Variants in RASGEF1C observed in about 807,000 individuals in gnomAD.
RASGEF1C encodes ras-GEF domain-containing family member 1C.
Under a neutral mutation model 58.1 loss-of-function variants are expected in RASGEF1C, and 27 were observed. That is an observed-to-expected ratio of 0.46 (90% CI 0.34 to 0.64). The LOEUF (loss-of-function observed/expected upper bound fraction) is 0.64. RASGEF1C is among the 30% of genes least tolerant of loss of function. The pLI, the probability that RASGEF1C is intolerant of heterozygous loss-of-function variation, is 0.01. For synonymous variants in RASGEF1C, 243 were observed against 246.3 expected, an observed-to-expected ratio of 0.99 and a Z score of 0.13; for missense variants, 502 against 605.1, an observed-to-expected ratio of 0.83 and a Z score of 1.79.
chr5:180,136,187 G>A, intron 4 of RASGEF1C, among the ~76,000 whole-genome samples, 191 bp downstream of exon 4: 1 of 152,240 alleles, frequency 6.6e-6, no homozygotes, highest in East Asian at 1.9e-4. Flanking sequence ...GTCAGGGAGA[G>A]GTCACCAGAC....
chr5:180,109,876 C>T (rs546387137), intron 12 of RASGEF1C, among the ~76,000 whole-genome samples: 13 of 152,336 alleles, frequency 8.5e-5, no homozygotes, highest in African/African-American at 1.4e-4. Flanking sequence ...AAACTCATTT[C>T]GGCCCTCTGG....
chr5:180,203,606 C>T (rs1255931705), intron 1 of RASGEF1C, among the ~76,000 whole-genome samples: 4 of 152,234 alleles, frequency 2.6e-5, no homozygotes, highest in Admixed American at 2.0e-4. Context: ...TCTTGATTCA[C>T]AGAAATGATG....
chr5:180,204,004 AAACAAAC>A (rs1410007041), intron 1 of RASGEF1C, among the ~76,000 whole-genome samples: 5 of 82,720 alleles, frequency 6.0e-5, no homozygotes, highest in South Asian at 4.3e-4. Context: ...AAAAACAAAC[AAACAAAC>A]AACAACAACA....
At chr5:180,207,560 C>A (rs1756510265) in intron 1 of RASGEF1C, among the ~76,000 whole-genome samples, 1 of 152,196 alleles carries the variant, frequency 6.6e-6, no homozygotes, top group Non-Finnish European at 1.5e-5. Flanking sequence ...CAGGGCCCCA[C>A]CTCTACCTGG....
chr5:180,127,152 G>A (rs1303533052), intron 6 of RASGEF1C, among the ~76,000 whole-genome samples: 1 of 152,142 alleles, frequency 6.6e-6, no homozygotes, highest in African/African-American at 2.4e-5. Flanking sequence ...CCTGAGCACC[G>A]GGACCCAGGA....
At chr5:180,109,272 T>A (rs571185710) in intron 12 of RASGEF1C, among the ~76,000 whole-genome samples, 4 of 151,786 alleles carry the variant, frequency 2.6e-5, no homozygotes, top group Non-Finnish European at 5.9e-5. Context: ...CTGGCTAACA[T>A]GGTGAAACCC....
chr5:180,195,619 G>A (rs1378768639), intron 1 of RASGEF1C, among the ~76,000 whole-genome samples: 5 of 151,944 alleles, frequency 3.3e-5, no homozygotes, highest in Admixed American at 6.6e-5. Context: ...AAAATTAGCT[G>A]GGCGCGGTGG....
chr5:180,137,703 T>G lies in RASGEF1C; in HGVS notation c.187A>C (p.Ile63Leu), dbSNP rs1484548059. The change falls in exon 3 of 14, where the codon ATC (isoleucine) becomes CTC (leucine). Residue 63 changes from isoleucine (I) to leucine (L), a missense_variant. Coordinates refer to ENST00000361132, the MANE Select transcript of RASGEF1C (RefSeq NM_175062.4). The surrounding 1 kb of genome is among the most constrained non-coding windows in gnomAD (Gnocchi z 4.1). ...CGAGAGCTCAGCAGGAAGGTGAAGA[T>G]GTAGGCTTTCTGGGGGACACACGAG... The part of the protein sequence containing the change: ...TADYYPEKAY[I>L]FTFLLSSRLF... The G allele has an allele frequency of 1.9e-6, 3 of 1,612,854 alleles. No homozygotes were observed. The highest frequency in any genetic ancestry group is 1.7e-5 in the Admixed American group (1 of 60,006).
rs1375330762 is a variant in RASGEF1C, at chr5:180,136,420, C to T, written c.396G>A (p.Gly132=). Residue 132 remains glycine, a synonymous_variant, in exon 4 of 14, where the codon GGG becomes GGA. Coordinates refer to ENST00000361132, the MANE Select transcript of RASGEF1C (RefSeq NM_175062.4). ...TGCGGCCCACGACGTCCTTAAGGTGCCCGATAGTCGACTCTTCCTGGAAGT... is the reference window on the plus strand; with the variant it reads ...TGCGGCCCACGACGTCCTTAAGGTGTCCGATAGTCGACTCTTCCTGGAAGT... ...PRDFQEESTI[G]HLKDVVGRIA... The T allele has an allele frequency of 3.2e-6, 5 of 1,561,066 alleles. No homozygotes were observed. Among genetic ancestry groups the T allele is most frequent in the Non-Finnish European group, 8.7e-7 (1 of 1,152,534 alleles).
intron 1 of RASGEF1C, among the ~76,000 whole-genome samples, chr5:180,207,020 T>C (rs940438779): frequency 6.6e-6 from 1 of 152,206 alleles, no homozygotes; most frequent in Admixed American, 6.5e-5. Context: ...CCATGTGTTT[T>C]ACGTATTCAA....
chr5:180,180,699 C>T (rs1322282202), intron 1 of RASGEF1C, among the ~76,000 whole-genome samples: 2 of 152,238 alleles, frequency 1.3e-5, no homozygotes, highest in African/African-American at 2.4e-5. Context: ...CTTCTCTTTT[C>T]AGCCAGCATG....
At chr5:180,129,443 C>A (rs1207703885) in intron 4 of RASGEF1C, among the ~76,000 whole-genome samples, 2 of 152,160 alleles carry the variant, frequency 1.3e-5, no homozygotes, top group Non-Finnish European at 2.9e-5. Flanking sequence ...CGACTCCCAA[C>A]CCCGCCACCA....
intron 11 of RASGEF1C, 21 bp from the exon 12 acceptor site, chr5:180,111,601 C>G: frequency 6.2e-7 from 1 of 1,614,024 alleles, no homozygotes; most frequent in Non-Finnish European, 8.5e-7. Context: ...CACAGAGACA[C>G]AGAATGGAGG....
intron 1 of RASGEF1C, among the ~76,000 whole-genome samples, chr5:180,174,392 A>G (rs4700895): frequency 1 from 151,522 of 151,942 alleles, 75,552 homozygotes; most frequent in Middle Eastern, 1. Flanking sequence ...TCAGAGATGC[A>G]TGTGTGTGCG....
At chr5:180,188,015 C>A (rs1756072149) in intron 1 of RASGEF1C, among the ~76,000 whole-genome samples, 1 of 152,166 alleles carries the variant, frequency 6.6e-6, no homozygotes, top group African/African-American at 2.4e-5. Context: ...GATCCTCAAA[C>A]AAATACTTGT....
chr5:180,173,160 T>A (rs1490925272), intron 1 of RASGEF1C, among the ~76,000 whole-genome samples: 1 of 152,256 alleles, frequency 6.6e-6, no homozygotes, highest in African/African-American at 2.4e-5. Context: ...TTACTGGCCT[T>A]ATTTACACAC....
intron 10 of RASGEF1C, among the ~76,000 whole-genome samples, chr5:180,116,465 C>G (rs1220774611): frequency 6.6e-6 from 1 of 152,194 alleles, no homozygotes; most frequent in East Asian, 1.9e-4. Flanking sequence ...TCCCTCTGCC[C>G]CTCCACCCCT....
chr5:180,134,886 T>G (rs527989058), intron 4 of RASGEF1C, among the ~76,000 whole-genome samples: 1 of 560 alleles, frequency 1.8e-3, no homozygotes, highest in South Asian at 0.056. Context: ...CATTTCTCCC[T>G]CTCTTCTTTC....
intron 1 of RASGEF1C, among the ~76,000 whole-genome samples, chr5:180,167,684 C>T (rs749821397): frequency 2.0e-5 from 3 of 152,108 alleles, no homozygotes; most frequent in Non-Finnish European, 2.9e-5. Flanking sequence ...AGTCTCTGTC[C>T]GATAATCCCA....
Sources: allele counts gnomAD v4.1 joint callset (sites outside exome capture counted in the v4.1 genomes callset), GRCh38; gene constraint gnomAD v4.1.1; non-coding constraint Gnocchi (gnomAD v3.1); transcripts MANE v1.5; gene names NCBI Gene and HGNC (gene_info 2026-07-23, HGNC 2026-07-21).